Variants in QARS1 observed in about 807,000 individuals in gnomAD.
The protein encoded by QARS1 is glutaminyl-tRNA synthetase 1, also known as glutamine--tRNA ligase.
A neutral mutation model predicts 106.9 loss-of-function variants in QARS1; 79 were observed. That is an observed-to-expected ratio of 0.74 (90% confidence interval 0.62 to 0.89). QARS1 has a LOEUF of 0.89. Ranked by LOEUF, QARS1 falls within the 40% of genes least tolerant of loss-of-function variation. The pLI, the probability that QARS1 is intolerant of heterozygous loss-of-function variation, is 0.00. For synonymous variants in QARS1, 395 were observed against 367.7 expected (o/e 1.07, Z -0.85); for missense variants, 966 against 997.2 (o/e 0.97, Z 0.42).
intron 23 of QARS1, among the ~76,000 whole-genome samples, chr3:49,096,701 G>C (rs889918629): frequency 3.3e-5 from 5 of 150,448 alleles, no homozygotes; most frequent in African/African-American, 1.2e-4. Flanking sequence ...TTGGGAGGCT[G>C]AGGCGGGAGA....
intron 23 of QARS1, among the ~76,000 whole-genome samples, 184 bp from the exon 24 acceptor site, chr3:49,096,263 C>G (rs994643093): frequency 1.2e-4 from 18 of 152,174 alleles, no homozygotes; most frequent in African/African-American, 4.1e-4. Flanking sequence ...GAATGGGGCT[C>G]TAGGCTATAG....
chr3:49,098,898 G>T lies in QARS1; in HGVS notation c.1850C>A (p.Thr617Asn), dbSNP rs1275271200. ...PFAPIVFIER[T>N]DFKEEPEPGF... ...CCCACAATTTACCTCCTTGAAGTCA[G>T]TCCTCTCAATGAAGACAATGGGTGC... Residue 617 changes from threonine (T) to asparagine (N), a missense_variant, in exon 19 of 24, where the codon ACT becomes AAT. By Grantham distance (65) the Thr-to-Asn change is moderately conservative (BLOSUM62 0). Transcript: ENST00000306125. The T allele has an allele frequency of 6.2e-7, 1 of 1,613,214 alleles. No homozygotes were observed. Among genetic ancestry groups the T allele is most frequent in the South Asian group, 1.1e-5 (1 of 91,060 alleles).
rs116187955 is a variant in QARS1 at position 49,100,120 on chromosome 3, C to G, written c.1165-29G>C. On this transcript the variant is annotated intron_variant, in intron 13 of 23. Coordinates refer to ENST00000306125, the MANE Select transcript of QARS1 (RefSeq NM_005051.3). ...AGGGGAACAAGGACTCAGGCTGTCT[C>G]TAAGCACAGGAGCATCTCATTCTCA... The G allele has an allele frequency of 4.7e-4, 760 of 1,614,228 alleles. 6 individuals carry two copies. The African/African-American group carries it at 8.7e-3, about 18-fold the overall frequency.
rs2042471997 is a variant in QARS1 at position 49,101,609 on chromosome 3, T to TC, written c.789+10dup. 1.9e-6 allele frequency: 3 copies of TC among 1,613,144 alleles called. No homozygotes were observed. The highest frequency in any genetic ancestry group is 2.5e-6 in the Non-Finnish European group (3 of 1,179,864). On this transcript the variant is annotated intron_variant, in intron 9 of 23. Transcript: ENST00000306125. ...GATGGCACAAGCTCACATGGCCACATCCCCACACACCTGCCCACCAGTAAT... is the reference window on the plus strand; with the variant it reads ...GATGGCACAAGCTCACATGGCCACATCCCCCACACACCTGCCCACCAGTAAT...
chr3:49,095,978 C>T lies in QARS1; in HGVS notation c.*51G>A, dbSNP rs1166889816. 4.5e-6 allele frequency: 7 copies of T among 1,553,502 alleles called. No individual in the cohort carries two copies. The highest frequency in any genetic ancestry group is 6.2e-6 in the Non-Finnish European group (7 of 1,130,052). Reference sequence around the variant, plus strand: ...TTTATTGACATGGAATTTGGGGTGGCGAGGGTAGCCACACCCTCCAGGAGG... The same window carrying T: ...TTTATTGACATGGAATTTGGGGTGGTGAGGGTAGCCACACCCTCCAGGAGG... On this transcript the variant is annotated 3_prime_UTR_variant, in exon 24 of 24. Transcript: ENST00000306125.
chr3:49,101,104 C>A (rs2042465025), intron 10 of QARS1, among the ~76,000 whole-genome samples: 1 of 152,234 alleles, frequency 6.6e-6, no homozygotes, highest in South Asian at 2.1e-4. Flanking sequence ...AACCTAGCAT[C>A]TTTCTAAGCC....
At chr3:49,096,617 GTGA>G (rs2042394011) in intron 23 of QARS1, among the ~76,000 whole-genome samples, 1 of 151,760 alleles carries the variant, frequency 6.6e-6, no homozygotes, top group Admixed American at 6.6e-5. Context: ...GGCTAACACG[GTGA>G]AACCCCGTCT....
chr3:49,103,277 C>G, intron 5 of QARS1, 68 bp downstream of exon 5: 6 of 1,535,162 alleles, frequency 3.9e-6, no homozygotes, highest in Non-Finnish European at 4.5e-6. Context: ...CCTTTTATCC[C>G]TTAGTGGATT....
In QARS1 at chr3:49,104,464, T is replaced by G. The variant is rs546520104; in HGVS notation, c.125A>C (p.Gln42Pro). 41 of 1,614,090 alleles carry G rather than the reference T, an allele frequency of 2.5e-5. No individual in the cohort carries two copies. The highest frequency in any genetic ancestry group is 1.7e-4 in the Middle Eastern group (1 of 5,962). The part of the protein sequence containing the change: ...QLREAATQAQ[Q>P]TLGSTIDKAT... ...TTTGTCAATGGTGGAACCCAGGGTCTGCTGAGCCTGAGGTCAGAGGGGTCA... is the reference window on the plus strand; with the variant it reads ...TTTGTCAATGGTGGAACCCAGGGTCGGCTGAGCCTGAGGTCAGAGGGGTCA... Residue 42 changes from glutamine (Q) to proline (P), a missense_variant, in exon 2 of 24, where the codon CAG becomes CCG. Coordinates refer to ENST00000306125, the MANE Select transcript of QARS1 (RefSeq NM_005051.3).
Position 49,102,227 on chromosome 3 carries a change from C to T in QARS1, c.609G>A (p.Thr203=), listed in dbSNP as rs764009927. ...KARLEETDRR[T]AKDVVENGET... is the part of the protein sequence containing the mutation. ...CACCATTCTCCACCACATCCTTTGC[C>T]GTCCTCCGGTCTGTTTCTTCTAGCC... Residue 203 remains threonine (T), a synonymous_variant, in exon 7 of 24, where the codon ACG becomes ACA. Transcript: ENST00000306125. The T allele has an allele frequency of 2.2e-5, 35 of 1,614,076 alleles. No homozygotes were observed. The highest frequency in any genetic ancestry group is 1.2e-4 in the Admixed American group (7 of 60,000).
In QARS1 at chr3:49,100,068, T is replaced by G. The variant is rs1433622670; in HGVS notation, c.1188A>C (p.Ser396=). 1 of 1,614,122 alleles carries G rather than the reference T, an allele frequency of 6.2e-7. No individual in the cohort carries two copies. The highest frequency in any genetic ancestry group is 8.5e-7 in the Non-Finnish European group (1 of 1,180,050). ...TCATCCGTAGTGTGGCCTCGCCCTC[T>G]GAAAACTTGCCCTTGCGCATTGCCT... The part of the protein sequence containing the change: ...LFEAMRKGKF[S]EGEATLRMKL... The change falls in exon 14 of 24, where the codon TCA becomes TCC. Residue 396 remains serine, a synonymous_variant. Transcript: ENST00000306125.
intron 19 of QARS1, 46 bp from the exon 20 acceptor site, chr3:49,098,738 A>AC (rs1559966405): frequency 6.5e-7 from 1 of 1,538,848 alleles, no homozygotes. Context: ...CAAGGGTCAA[A>AC]CAAGTGGGGA....
intron 7 of QARS1, 67 bp downstream of exon 7, chr3:49,102,138 G>C: frequency 1.9e-6 from 3 of 1,592,526 alleles, no homozygotes; most frequent in Non-Finnish European, 2.6e-6. Context: ...GAGCCTGTAA[G>C]GACTCTTCTG....
At chr3:49,102,013 G>A in intron 7 of QARS1, 114 bp from the exon 8 acceptor site, 1 of 1,344,468 alleles carries the variant, frequency 7.4e-7, no homozygotes, top group Non-Finnish European at 1.0e-6. Flanking sequence ...AAGATATCTA[G>A]AGCCAGACAT....
At position 49,101,919 on chromosome 3, in the gene QARS1, G is replaced by A. The variant is rs367637023; in HGVS notation, c.632-20C>T. Reference sequence around the variant, plus strand: ...TCTCGCCTGTGGGGAACAAAACAAGGAAAACTTGTCCTCTAGATACATTTA... The same window carrying A: ...TCTCGCCTGTGGGGAACAAAACAAGAAAAACTTGTCCTCTAGATACATTTA... On this transcript the variant is annotated intron_variant, in intron 7 of 23. Transcript: ENST00000306125. 4.8e-5 allele frequency: 77 copies of A among 1,601,080 alleles called. No individual in the cohort carries two copies. The African/African-American group carries it at 9.6e-4, about 20-fold the overall frequency.
At position 49,103,928 on chromosome 3, in the gene QARS1, T is replaced by C. The variant is rs760155725; in HGVS notation, c.310A>G (p.Thr104Ala). 1 of 1,613,890 alleles carries C rather than the reference T, an allele frequency of 6.2e-7. No homozygotes were observed. The highest frequency in any genetic ancestry group is 1.3e-5 in the African/African-American group (1 of 74,910). Residue 104 changes from threonine (T) to alanine (A), a missense_variant, in exon 3 of 24, where the codon ACT (threonine) becomes GCT (alanine). Physicochemically the swap from Thr to Ala is moderately conservative, Grantham distance 58. Coordinates refer to ENST00000306125, the MANE Select transcript of QARS1 (RefSeq NM_005051.3). ...CCACATTCCCGCTCGAAGTCCACAG[T>C]GTCGATGGGGTCCAAGGGGTGACTC... is the stretch of plus-strand genomic sequence containing the variant. Reference protein sequence around the residue: ...VRSHPLDPIDTVDFERECGVG... With the variant: ...VRSHPLDPIDAVDFERECGVG...
At chr3:49,099,319 A>G in intron 17 of QARS1, 25 bp downstream of exon 17, 1 of 1,614,190 alleles carries the variant, frequency 6.2e-7, no homozygotes, top group East Asian at 2.2e-5. Flanking sequence ...CCCCCAATGT[A>G]TCTACCCAAC....
At chr3:49,099,029 G>T in intron 18 of QARS1, 40 bp from the exon 19 acceptor site, 1 of 1,612,476 alleles carries the variant, frequency 6.2e-7, no homozygotes, top group Non-Finnish European at 8.5e-7. Context: ...GTCATACTCA[G>T]CATTAGGACC....
At chr3:49,104,109 C>T (rs534741261) in intron 2 of QARS1, 137 bp from the exon 3 acceptor site, 2 of 1,114,158 alleles carry the variant, frequency 1.8e-6, no homozygotes, top group South Asian at 2.6e-5. Flanking sequence ...CTAGAGAACA[C>T]AGGGAAGAAA....
Sources: allele counts gnomAD v4.1 joint callset (sites outside exome capture counted in the v4.1 genomes callset), GRCh38; gene constraint gnomAD v4.1.1; transcripts MANE v1.5; gene names NCBI Gene and HGNC (gene_info 2026-07-23, HGNC 2026-07-21).